Variants in GSTCD observed in about 807,000 individuals in gnomAD.
GSTCD encodes the protein glutathione S-transferase C-terminal domain-containing protein.
A neutral mutation model predicts 68.3 loss-of-function variants in GSTCD; 44 were observed. That is an observed-to-expected ratio of 0.64 (90% CI 0.51 to 0.83). The LOEUF (loss-of-function observed/expected upper bound fraction) is 0.83, where lower values mean the gene tolerates loss of function less well. Ranked by LOEUF, GSTCD falls within the 40% of genes least tolerant of loss-of-function variation. GSTCD has a pLI of 0.00. For synonymous variants in GSTCD, 273 were observed against 255.2 expected (o/e 1.07, Z -0.67); for missense variants, 739 against 735.9 (o/e 1.00, Z -0.05).
chr4:105,749,198 A>AT, intron 5 of GSTCD, among the ~76,000 whole-genome samples: 1 of 152,042 alleles, frequency 6.6e-6, no homozygotes, highest in South Asian at 2.1e-4. Context: ...AAAATGCACA[A>AT]TTTTATTATA....
intron 5 of GSTCD, among the ~76,000 whole-genome samples, chr4:105,738,191 A>G (rs796483001): frequency 1.8e-4 from 28 of 152,294 alleles, no homozygotes; most frequent in African/African-American, 6.5e-4. Flanking sequence ...CAATATACAA[A>G]TGGTCAAAGA....
intron 1 of GSTCD, among the ~76,000 whole-genome samples, chr4:105,711,766 G>C (rs757287014): frequency 1.0e-3 from 153 of 152,162 alleles, no homozygotes; most frequent in Non-Finnish European, 1.4e-3. Context: ...TGGCTCAACA[G>C]TCTCGGCTCT....
At chr4:105,774,465 G>C (rs535561815) in intron 5 of GSTCD, among the ~76,000 whole-genome samples, 2 of 152,122 alleles carry the variant, frequency 1.3e-5, no homozygotes, top group Admixed American at 6.5e-5. Flanking sequence ...TCACAATTTC[G>C]TATGTTTTTG....
intron 5 of GSTCD, among the ~76,000 whole-genome samples, chr4:105,805,871 A>C (rs1722469378): frequency 6.6e-6 from 1 of 151,982 alleles, no homozygotes; most frequent in South Asian, 2.1e-4. Flanking sequence ...CATGTATGAA[A>C]CACTGTTTTT....
At chr4:105,830,240 A>G (rs1048837547) in intron 8 of GSTCD, among the ~76,000 whole-genome samples, 28 of 152,206 alleles carry the variant, frequency 1.8e-4, no homozygotes, top group African/African-American at 6.0e-4. Context: ...CTGTTTCCAC[A>G]GAGGGAAAAA....
chr4:105,767,667 C>T (rs544103119), intron 5 of GSTCD, among the ~76,000 whole-genome samples: 21 of 152,248 alleles, frequency 1.4e-4, no homozygotes, highest in African/African-American at 5.1e-4. Context: ...CATGGACTCT[C>T]ATATTGAAAA....
chr4:105,771,725 C>T (rs190485222), intron 5 of GSTCD, among the ~76,000 whole-genome samples: 284 of 152,214 alleles, frequency 1.9e-3, no homozygotes, highest in African/African-American at 6.6e-3. Context: ...TTCCATTCGT[C>T]TATATATCTG....
At chr4:105,725,447 C>T (rs1409993887) in intron 3 of GSTCD, among the ~76,000 whole-genome samples, 2 of 152,086 alleles carry the variant, frequency 1.3e-5, no homozygotes, top group Non-Finnish European at 2.9e-5. Flanking sequence ...TTTTTCATTC[C>T]CACCAGCAGT....
At chr4:105,844,527 A>T (rs1244801138) in intron 11 of GSTCD, among the ~76,000 whole-genome samples, 1 of 152,014 alleles carries the variant, frequency 6.6e-6, no homozygotes, top group Admixed American at 6.5e-5. Context: ...TATTTTGGTG[A>T]TCTGTCTTCA....
In GSTCD at chr4:105,748,183, A is replaced by G. The variant is rs191703664; in HGVS notation, c.1240+18684A>G. Among the ~76,000 whole-genome samples the G allele has an allele frequency of 5.9e-5, 9 of 152,218 alleles. No individual in the cohort carries two copies. In the East Asian group the frequency reaches 1.7e-3, roughly 29 times the overall value. On this transcript the variant is annotated intron_variant, in intron 5 of 11. Coordinates refer to ENST00000515279, the MANE Select transcript of GSTCD (RefSeq NM_001370181.1). Reference sequence around the variant, plus strand: ...GGTGAAAGAATTGCTTGAACCTGGGAGGCGGAGGTTGGGGTGAGTCAAGAT... The same window carrying G: ...GGTGAAAGAATTGCTTGAACCTGGGGGGCGGAGGTTGGGGTGAGTCAAGAT...
intron 5 of GSTCD, among the ~76,000 whole-genome samples, chr4:105,731,105 C>G (rs1733222798): frequency 1.3e-5 from 2 of 152,102 alleles, no homozygotes; most frequent in Admixed American, 6.6e-5. Flanking sequence ...TGTTTTGGTA[C>G]CAGTACCATG....
chr4:105,766,850 G>A (rs1734625516), intron 5 of GSTCD, among the ~76,000 whole-genome samples: 1 of 133,754 alleles, frequency 7.5e-6, no homozygotes, highest in Admixed American at 7.5e-5. Flanking sequence ...CTCAGAAGAT[G>A]GATTAGTGTC....
At chr4:105,776,549 C>T (rs1735071642) in intron 5 of GSTCD, among the ~76,000 whole-genome samples, 2 of 152,136 alleles carry the variant, frequency 1.3e-5, no homozygotes, top group South Asian at 4.1e-4. Flanking sequence ...GTGCACCTTT[C>T]CTCACGGCAC....
In GSTCD at chr4:105,846,645, A is replaced by C. The variant is rs1312048473; in HGVS notation, c.*1068A>C. 11 of 152,070 alleles carry C rather than the reference A, an allele frequency of 7.2e-5. No individual in the cohort carries two copies. The highest frequency in any genetic ancestry group is 2.7e-4 in the African/African-American group (11 of 41,424). 9.4% of individuals were successfully genotyped at this position (152,070 alleles called of 1,614,324 possible). A position where few individuals can be genotyped will look rare whatever the true frequency, so the allele number is the denominator to read the frequency against. ...CTATGGAAGTAGATCATCTAGAAGA[A>C]AAAGATTAAAGAATTAGTTAAGCTT... is the stretch of plus-strand genomic sequence containing the variant. On this transcript the variant is annotated 3_prime_UTR_variant, in exon 12 of 12. Transcript: ENST00000515279.
In GSTCD at chr4:105,834,567, A is replaced by T. The variant is rs375753714; in HGVS notation, c.1637A>T (p.Asn546Ile). The change falls in exon 9 of 12, where the codon AAC (asparagine) becomes ATC (isoleucine). Residue 546 changes from asparagine (N) to isoleucine (I), a missense_variant. Transcript: ENST00000515279. Reference protein sequence around the residue: ...TCPCCYGFIQNTSKFNFPKSE... With the variant: ...TCPCCYGFIQITSKFNFPKSE... Reference sequence around the variant, plus strand: ...CCTTGCTGTTATGGTTTCATTCAGAACACCTCAAAGTTCAATTTTCCAAAA... The same window carrying T: ...CCTTGCTGTTATGGTTTCATTCAGATCACCTCAAAGTTCAATTTTCCAAAA... 5 of 1,613,942 alleles carry T rather than the reference A, an allele frequency of 3.1e-6. No individual in the cohort carries two copies. In the African/African-American group the frequency reaches 6.7e-5, roughly 22 times the overall value.
chr4:105,808,871 A>G lies in GSTCD; in HGVS notation c.1241-14083A>G, dbSNP rs114121604. On this transcript the variant is annotated intron_variant, in intron 5 of 11. Coordinates refer to ENST00000515279, the MANE Select transcript of GSTCD (RefSeq NM_001370181.1). ...TTTGCCCAGCAAATCCACACTGTGT[A>G]CACTACTAGCCTGATGGTCACTTAG... 2.8e-3 allele frequency among the ~76,000 whole-genome samples: 421 copies of G among 152,218 alleles called. 1 individual carries two copies. The highest frequency in any genetic ancestry group is 9.1e-3 in the African/African-American group (380 of 41,566).
intron 8 of GSTCD, among the ~76,000 whole-genome samples, chr4:105,828,433 C>T (rs1259148210): frequency 1.3e-5 from 2 of 152,034 alleles, no homozygotes; most frequent in Admixed American, 1.3e-4. Flanking sequence ...TCTGCAGGCA[C>T]GCTTTTTAAA....
Position 105,839,664 on chromosome 4 carries a change from AGAGAAGAAAGAGAG to A in GSTCD, c.1695+1785_1695+1798del, listed in dbSNP as rs1463034537. 1.2e-4 allele frequency among the ~76,000 whole-genome samples: 18 copies of A among 152,210 alleles called. No homozygotes were observed. The East Asian group carries it at 1.7e-3, about 15-fold the overall frequency. The stretch of plus-strand genomic sequence containing the variant: ...TCAAGAAAAGAGAGAGAGAGAGAGG[AGAGAAGAAAGAGAG>A]GAGAAGAAAAGAAAGGAAAAGGAAA... On this transcript the variant is annotated intron_variant, in intron 10 of 11. Coordinates refer to ENST00000515279, the MANE Select transcript of GSTCD (RefSeq NM_001370181.1).
intron 5 of GSTCD, among the ~76,000 whole-genome samples, chr4:105,765,710 G>A (rs189897027): frequency 3.9e-5 from 6 of 152,260 alleles, no homozygotes; most frequent in South Asian, 2.1e-4. Flanking sequence ...CACATGTTGC[G>A]GGAGGGACCT....
Sources: allele counts gnomAD v4.1 joint callset (sites outside exome capture counted in the v4.1 genomes callset), GRCh38; gene constraint gnomAD v4.1.1; transcripts MANE v1.5; gene names NCBI Gene and HGNC (gene_info 2026-07-23, HGNC 2026-07-21).